Variants in LHFPL6 observed in about 807,000 individuals in gnomAD.
LHFPL6 encodes the protein LHFPL tetraspan subfamily member 6.
Under a neutral mutation model 20.6 loss-of-function variants are expected in LHFPL6, and 9 were observed. The observed-to-expected ratio is 0.44, with a 90% CI of 0.26 to 0.76. The LOEUF is 0.76. Ranked by LOEUF, LHFPL6 falls within the 30% of genes least tolerant of loss-of-function variation. The pLI, the probability that LHFPL6 is intolerant of heterozygous loss-of-function variation, is 0.20. For missense variants in LHFPL6, 218 were observed against 253.5 expected (o/e 0.86, Z 0.95); for synonymous variants, 105 against 98.7 (o/e 1.06, Z -0.38).
intron 2 of LHFPL6, among the ~76,000 whole-genome samples, chr13:39,415,732 AATG>A (rs1307196242): frequency 2.0e-5 from 3 of 152,196 alleles, no homozygotes; most frequent in African/African-American, 7.2e-5. Flanking sequence ...TAAATGCATA[AATG>A]AATGGGAGAA....
chr13:39,424,140 C>T (rs925294339), intron 2 of LHFPL6, among the ~76,000 whole-genome samples: 5 of 152,120 alleles, frequency 3.3e-5, no homozygotes, highest in Non-Finnish European at 5.9e-5. Context: ...AGAAAATTAT[C>T]GTTTTTCCTA....
intron 2 of LHFPL6, among the ~76,000 whole-genome samples, chr13:39,440,851 C>T (rs1246787159): frequency 6.6e-6 from 1 of 152,160 alleles, no homozygotes; most frequent in Non-Finnish European, 1.5e-5. Flanking sequence ...CTGCCCTGCG[C>T]TGTTCTCATG....
chr13:39,345,915 G>A (rs1869388742), intron 3 of LHFPL6, among the ~76,000 whole-genome samples: 1 of 152,148 alleles, frequency 6.6e-6, no homozygotes, highest in Admixed American at 6.5e-5. Flanking sequence ...CCTATCAAAT[G>A]TTTCTTTCTG....
At chr13:39,582,956 C>T (rs1241402267) in intron 2 of LHFPL6, among the ~76,000 whole-genome samples, 1 of 152,056 alleles carries the variant, frequency 6.6e-6, no homozygotes, top group Non-Finnish European at 1.5e-5. Flanking sequence ...TCAAGGAGGC[C>T]ATATTATATT....
Position 39,390,477 on chromosome 13 carries a change from G to A in LHFPL6, c.386-11951C>T, listed in dbSNP as rs548279388. ...TGCACCATTGCACTCCAGCCTGGGA[G>A]AGAGAATGAGACTCTGTCTCTAAAA... is the stretch of plus-strand genomic sequence containing the variant. On this transcript the variant is annotated intron_variant, in intron 2 of 3. Transcript: ENST00000379589. 1.7e-4 allele frequency among the ~76,000 whole-genome samples: 26 copies of A among 152,238 alleles called. No homozygotes were observed. The South Asian group carries it at 5.2e-3, about 30-fold the overall frequency.
intron 2 of LHFPL6, among the ~76,000 whole-genome samples, chr13:39,500,501 C>T (rs1593337703): frequency 2.0e-5 from 3 of 152,258 alleles, no homozygotes; most frequent in Admixed American, 2.0e-4. Flanking sequence ...GATCCTCCCA[C>T]CTCCCAGACT....
chr13:39,462,185 C>A (rs1872705608), intron 2 of LHFPL6, among the ~76,000 whole-genome samples: 2 of 152,142 alleles, frequency 1.3e-5, no homozygotes, highest in Non-Finnish European at 2.9e-5. Flanking sequence ...TTAGGTCTCT[C>A]TTCAGAAAGG....
intron 2 of LHFPL6, among the ~76,000 whole-genome samples, chr13:39,529,728 G>T (rs1030793888): frequency 7.2e-5 from 11 of 152,208 alleles, no homozygotes; most frequent in African/African-American, 2.7e-4. Context: ...AGGAGGAGAT[G>T]CTTCAAAGTC....
chr13:39,597,975 G>T (rs1018103806), intron 2 of LHFPL6, among the ~76,000 whole-genome samples: 1 of 152,196 alleles, frequency 6.6e-6, no homozygotes. Context: ...TCTGTATTTT[G>T]CCATTCTCCT....
chr13:39,537,953 C>T (rs1870672667), intron 2 of LHFPL6, among the ~76,000 whole-genome samples: 2 of 151,320 alleles, frequency 1.3e-5, no homozygotes, highest in African/African-American at 4.9e-5. Flanking sequence ...CTCTTTACTT[C>T]TCATACCCTG....
At chr13:39,534,718 A>G (rs1355579674) in intron 2 of LHFPL6, among the ~76,000 whole-genome samples, 1 of 152,204 alleles carries the variant, frequency 6.6e-6, no homozygotes, top group Non-Finnish European at 1.5e-5. Flanking sequence ...AAATGTAGTA[A>G]CAGAGATGCT....
At chr13:39,506,113 A>G (rs1869469703) in intron 2 of LHFPL6, among the ~76,000 whole-genome samples, 1 of 152,238 alleles carries the variant, frequency 6.6e-6, no homozygotes, top group Admixed American at 6.5e-5. Flanking sequence ...ATATGGTTTT[A>G]TACTACACTA....
chr13:39,479,591 A>C (rs1285654202), intron 2 of LHFPL6, among the ~76,000 whole-genome samples: 1 of 152,186 alleles, frequency 6.6e-6, no homozygotes, highest in Non-Finnish European at 1.5e-5. Flanking sequence ...AGCTAAATTG[A>C]TACTTACCAG....
At chr13:39,456,405 G>T (rs898090813) in intron 2 of LHFPL6, among the ~76,000 whole-genome samples, 1 of 152,166 alleles carries the variant, frequency 6.6e-6, no homozygotes, top group Admixed American at 6.5e-5. Flanking sequence ...GATAAACTGC[G>T]AAAAGTCAAG....
At chr13:39,371,629 G>C (rs1278951015) in intron 3 of LHFPL6, among the ~76,000 whole-genome samples, 1 of 152,148 alleles carries the variant, frequency 6.6e-6, no homozygotes, top group African/African-American at 2.4e-5. Flanking sequence ...ACAACCACAG[G>C]CTACACTGAT....
In LHFPL6 at chr13:39,567,690, C is replaced by G. The variant is rs190465267; in HGVS notation, c.385+33142G>C. Among the ~76,000 whole-genome samples the G allele has an allele frequency of 2.8e-3, 433 of 152,340 alleles. 1 individual carries two copies. Among genetic ancestry groups the G allele is most frequent in the African/African-American group, 9.9e-3 (413 of 41,592 alleles). The stretch of plus-strand genomic sequence containing the variant: ...TCCTAGCTCTGTGGCCAAACAAAAA[C>G]AGGCTTCAGGCTGGATTTGGCCCTG... On this transcript the variant is annotated intron_variant, in intron 2 of 3. Transcript: ENST00000379589.
intron 3 of LHFPL6, among the ~76,000 whole-genome samples, chr13:39,347,991 C>T (rs1182587724): frequency 2.0e-5 from 3 of 151,984 alleles, no homozygotes; most frequent in African/African-American, 7.3e-5. Flanking sequence ...ATTGCTGAGG[C>T]TAATTATTTG....
chr13:39,552,616 G>T (rs1009712965), intron 2 of LHFPL6, among the ~76,000 whole-genome samples: 1 of 152,348 alleles, frequency 6.6e-6, no homozygotes, highest in African/African-American at 2.4e-5. Flanking sequence ...TTCTTGGAAT[G>T]ATATTCAAAG....
intron 3 of LHFPL6, among the ~76,000 whole-genome samples, chr13:39,368,759 G>A (rs1870077513): frequency 6.6e-6 from 1 of 152,268 alleles, no homozygotes; most frequent in Non-Finnish European, 1.5e-5. Flanking sequence ...ATCAATAACT[G>A]TGACATAAAA....
Sources: allele counts gnomAD v4.1 joint callset (sites outside exome capture counted in the v4.1 genomes callset), GRCh38; gene constraint gnomAD v4.1.1; transcripts MANE v1.5; gene names NCBI Gene and HGNC (gene_info 2026-07-23, HGNC 2026-07-21).